Variants in TRPM7 observed in about 807,000 individuals in gnomAD.
TRPM7 encodes LTRPC ion channel family member 7.
Under a neutral mutation model 229.7 loss-of-function variants are expected in TRPM7, and 134 were observed. The observed-to-expected ratio is 0.58, with a 90% CI of 0.51 to 0.67. The LOEUF (loss-of-function observed/expected upper bound fraction) is 0.67, where lower values mean the gene tolerates loss of function less well. Among genes scored for constraint, TRPM7 ranks in the 30% least tolerant of loss-of-function variants. The pLI, the probability that TRPM7 is intolerant of heterozygous loss-of-function variation, is 0.00. For synonymous variants in TRPM7, 699 were observed against 715.2 expected (o/e 0.98, Z 0.36); for missense variants, 1,901 against 2,210.0 (o/e 0.86, Z 2.80).
chr15:50,577,170 T>TA (rs1251872796), intron 31 of TRPM7, among the ~76,000 whole-genome samples: 2 of 151,756 alleles, frequency 1.3e-5, no homozygotes, highest in Non-Finnish European at 2.9e-5. Context: ...GGGGGGTAAT[T>TA]AAAAGCCTAA....
intron 1 of TRPM7, among the ~76,000 whole-genome samples, chr15:50,675,469 C>G (rs1352642892): frequency 6.6e-6 from 1 of 152,180 alleles, no homozygotes; most frequent in Non-Finnish European, 1.5e-5. Context: ...TCTTCCCACA[C>G]GTAGCATTCT....
chr15:50,655,450 AAAAAAC>A (rs2061536833), intron 3 of TRPM7, among the ~76,000 whole-genome samples: 1 of 144,282 alleles, frequency 6.9e-6, no homozygotes, highest in Non-Finnish European at 1.6e-5. Context: ...AAAAAAAACA[AAAAAAC>A]AAAAAACCTT....
At chr15:50,669,735 C>A (rs2061950290) in intron 1 of TRPM7, among the ~76,000 whole-genome samples, 1 of 151,914 alleles carries the variant, frequency 6.6e-6, no homozygotes, top group South Asian at 2.1e-4. Flanking sequence ...TTTAGGCTGA[C>A]CTTGCTTTCT....
intron 11 of TRPM7, among the ~76,000 whole-genome samples, chr15:50,624,553 G>A (rs1031000134): frequency 6.6e-6 from 1 of 152,082 alleles, no homozygotes; most frequent in Admixed American, 6.6e-5. Flanking sequence ...AGTGTTACAT[G>A]GGGGAAAAAA....
At chr15:50,633,373 A>G (rs1307575220) in intron 8 of TRPM7, among the ~76,000 whole-genome samples, 1 of 152,196 alleles carries the variant, frequency 6.6e-6, no homozygotes, top group African/African-American at 2.4e-5. Context: ...ATACATTTTC[A>G]TGGCTCAAAA....
intron 31 of TRPM7, among the ~76,000 whole-genome samples, chr15:50,576,311 C>T (rs1566944625): frequency 6.6e-6 from 1 of 152,126 alleles, no homozygotes; most frequent in Non-Finnish European, 1.5e-5. Flanking sequence ...GAATGTGAAA[C>T]ATACCCATCA....
chr15:50,588,496 G>A (rs977916897), intron 27 of TRPM7, among the ~76,000 whole-genome samples: 4 of 152,116 alleles, frequency 2.6e-5, no homozygotes, highest in African/African-American at 9.7e-5. Context: ...CTTTTTATAT[G>A]TAGGGTAGTA....
chr15:50,565,531 TC>T (rs1476835630), intron 38 of TRPM7, among the ~76,000 whole-genome samples: 1 of 152,164 alleles, frequency 6.6e-6, no homozygotes, highest in Non-Finnish European at 1.5e-5. Flanking sequence ...AATAATCAAT[TC>T]GCCAAGAAGA....
At chr15:50,652,858 T>C (rs2140867597) in intron 3 of TRPM7, among the ~76,000 whole-genome samples, 1 of 152,080 alleles carries the variant, frequency 6.6e-6, no homozygotes, top group Non-Finnish European at 1.5e-5. Flanking sequence ...AGGCAAAGCA[T>C]TAGCATTACA....
At chr15:50,676,379 A>C (rs1198765715) in intron 1 of TRPM7, among the ~76,000 whole-genome samples, 2 of 152,094 alleles carry the variant, frequency 1.3e-5, no homozygotes, top group African/African-American at 4.8e-5. Flanking sequence ...AGTAGGTCCT[A>C]TTAGGCTAAC....
intron 20 of TRPM7, 36 bp downstream of exon 20, chr15:50,607,164 C>T (rs749208525): frequency 1.9e-6 from 3 of 1,582,374 alleles, no homozygotes; most frequent in Middle Eastern, 1.7e-4. Context: ...TCCATGTATA[C>T]AGTAAATTAT....
Position 50,563,248 on chromosome 15 carries a change from G to A in TRPM7, c.5468-1440C>T, listed in dbSNP as rs116120598. On this transcript the variant is annotated intron_variant, in intron 38 of 38. Coordinates refer to ENST00000646667, the MANE Select transcript of TRPM7 (RefSeq NM_017672.6). ...ACTGTGTAGCTGGGACAGACCACAT[G>A]GTCTACAAAGCCTAAAATATTTGCT... Among the ~76,000 whole-genome samples, 1,372 of 152,264 alleles carry A rather than the reference G, an allele frequency of 9.0e-3. 23 individuals carry two copies. The highest frequency in any genetic ancestry group is 0.031 in the African/African-American group (1,276 of 41,550).
chr15:50,581,870 A>G (rs111832216), intron 29 of TRPM7, among the ~76,000 whole-genome samples: 4 of 151,646 alleles, frequency 2.6e-5, no homozygotes, highest in Non-Finnish European at 4.4e-5. Context: ...CTGACTATGT[A>G]GTTTATCTTT....
intron 29 of TRPM7, among the ~76,000 whole-genome samples, chr15:50,581,286 G>A (rs952688380): frequency 1.3e-5 from 2 of 151,928 alleles, no homozygotes; most frequent in African/African-American, 4.8e-5. Flanking sequence ...ATCACCTGAG[G>A]TCAGGAGTTC....
rs1159281665 is a variant in TRPM7 at position 50,559,531 on chromosome 15, CA to C, written c.*2146del. 7.4e-6 allele frequency: 1 copy of C among 135,442 alleles called. No homozygotes were observed. Among genetic ancestry groups the C allele is most frequent in the African/African-American group, 2.5e-5 (1 of 39,270 alleles). The allele number at this position is 135,442 out of a possible 1,614,324, so 8.4% of individuals were successfully genotyped here. ...CAAAACAAAACAAAACAAAACAAAA[CA>C]AAAACAGTATAGATGAAAGGCAGCC... On this transcript the variant is annotated 3_prime_UTR_variant, in exon 39 of 39. Transcript: ENST00000646667.
At chr15:50,596,970 G>A (rs532994444) in intron 22 of TRPM7, among the ~76,000 whole-genome samples, 2 of 152,126 alleles carry the variant, frequency 1.3e-5, no homozygotes, top group Non-Finnish European at 2.9e-5. Context: ...GGCTGGTCTC[G>A]AACTCCTGAC....
chr15:50,615,426 G>A (rs2060197825), intron 13 of TRPM7, among the ~76,000 whole-genome samples: 1 of 151,936 alleles, frequency 6.6e-6, no homozygotes, highest in East Asian at 1.9e-4. Flanking sequence ...TTTTCCCATG[G>A]CAATTTACAA....
At chr15:50,680,860 G>C (rs1409215453) in intron 1 of TRPM7, among the ~76,000 whole-genome samples, 5 of 152,100 alleles carry the variant, frequency 3.3e-5, no homozygotes, top group Admixed American at 2.6e-4. Flanking sequence ...CCACTTATTA[G>C]CCTTGTGACC....
Position 50,624,430 on chromosome 15 carries a change from AAC to A in TRPM7, c.1306-132_1306-131del, listed in dbSNP as rs2060501755. ...TTTTAGAACAAAATTAGAAAGATGC[AAC>A]ACAGTAAAAAGCTAATAAGACTTTA... On this transcript the variant is annotated intron_variant, in intron 11 of 38. Transcript: ENST00000646667. The A allele has an allele frequency of 5.4e-6, 4 of 744,676 alleles. No individual in the cohort carries two copies. In the South Asian group the frequency reaches 1.1e-4, roughly 21 times the overall value. The allele number at this position is 744,676 out of a possible 1,614,324, so 46.1% of individuals were successfully genotyped here. A position where few individuals can be genotyped will look rare whatever the true frequency, so the allele number is the denominator to read the frequency against.
Sources: gnomAD v4.1 joint callset for allele counts (sites outside exome capture counted in the v4.1 genomes callset) on GRCh38, gnomAD v4.1.1 for gene constraint, MANE v1.5 for transcripts, NCBI Gene and HGNC (gene_info 2026-07-23, HGNC 2026-07-21) for gene names.